LRRC14: variants seen among roughly 807,000 people sequenced by gnomAD.
The protein encoded by LRRC14 is leucine-rich repeat-containing protein 14.
Under a neutral mutation model 25.3 loss-of-function variants are expected in LRRC14, and 16 were observed. That is an observed-to-expected ratio of 0.63 (90% CI 0.43 to 0.96). LRRC14 has a LOEUF of 0.96. LRRC14 is among the 40% of genes least tolerant of loss of function. The pLI is 0.00. For synonymous variants in LRRC14, 359 were observed against 295.1 expected (o/e 1.22, Z -2.22); for missense variants, 594 against 660.5 (o/e 0.90, Z 1.10).
intron 1 of LRRC14, chr8:144,518,635 G>T (rs1815659381): frequency 6.6e-6 from 1 of 152,284 alleles, no homozygotes; most frequent in Non-Finnish European, 1.5e-5. Flanking sequence ...TGGAAAAGTC[G>T]ACAAAAAGAA....
rs1421338939 is a variant in LRRC14, at chr8:144,523,351, G to T, written c.*1873G>T. ...CCCTGGAGGTGAGCAGCCGCTGGCC[G>T]CCCTCCTTGATCCAGGCACCCAGCC... On this transcript the variant is annotated 3_prime_UTR_variant, in exon 4 of 4. Coordinates refer to ENST00000292524, the MANE Select transcript of LRRC14 (RefSeq NM_014665.4). 1.3e-6 allele frequency: 2 copies of T among 1,582,708 alleles called. No homozygotes were observed. The highest frequency in any genetic ancestry group is 1.7e-6 in the Non-Finnish European group (2 of 1,161,158).
chr8:144,522,850 G>C lies in LRRC14; in HGVS notation c.*1372G>C. 2 of 1,284,498 alleles carry C rather than the reference G, an allele frequency of 1.6e-6. No individual in the cohort carries two copies. Among genetic ancestry groups the C allele is most frequent in the East Asian group, 3.1e-5 (1 of 32,004 alleles). The allele number at this position is 1,284,498 out of a possible 1,614,324, so 79.6% of individuals were successfully genotyped here. A position where few individuals can be genotyped will look rare whatever the true frequency, so the allele number is the denominator to read the frequency against. ...CGCGGAAGGCCATGCTGCCCGCCTC[G>C]GGCCGGGGCTCGCTGCCGGCGGGGC... On this transcript the variant is annotated 3_prime_UTR_variant, in exon 4 of 4. Transcript: ENST00000292524.
Position 144,522,883 on chromosome 8 carries a change from C to G in LRRC14, c.*1405C>G, listed in dbSNP as rs1484129254. ...GCTCGCTGCCGGCGGGGCGGGCGGC[C>G]GGAGGCGGCGGTTGCGCGGGCTGCT... On this transcript the variant is annotated 3_prime_UTR_variant, in exon 4 of 4. Coordinates refer to ENST00000292524, the MANE Select transcript of LRRC14 (RefSeq NM_014665.4). 1.6e-6 allele frequency: 2 copies of G among 1,269,102 alleles called. No individual in the cohort carries two copies. Among genetic ancestry groups the G allele is most frequent in the Non-Finnish European group, 2.0e-6 (2 of 1,014,284 alleles). The allele number at this position is 1,269,102 out of a possible 1,614,324, so 78.6% of individuals were successfully genotyped here. A position where few individuals can be genotyped will look rare whatever the true frequency, so the allele number is the denominator to read the frequency against.
In LRRC14 at chr8:144,523,366, G is replaced by A. The variant is rs145078786; in HGVS notation, c.*1888G>A. 3.2e-6 allele frequency: 5 copies of A among 1,576,762 alleles called. No homozygotes were observed. In the African/African-American group the frequency reaches 5.4e-5, roughly 17 times the overall value. On this transcript the variant is annotated 3_prime_UTR_variant, in exon 4 of 4. Transcript: ENST00000292524. ...GCCGCTGGCCGCCCTCCTTGATCCA[G>A]GCACCCAGCCAGTGCAGGGCGCAGT... is the stretch of plus-strand genomic sequence containing the variant.
Position 144,523,635 on chromosome 8 carries a change from G to A in LRRC14, c.*2157G>A. 1.8e-6 allele frequency: 1 copy of A among 556,734 alleles called. No homozygotes were observed. The allele number at this position is 556,734 out of a possible 1,614,324, so 34.5% of individuals were successfully genotyped here. A position where few individuals can be genotyped will look rare whatever the true frequency, so the allele number is the denominator to read the frequency against. On this transcript the variant is annotated 3_prime_UTR_variant, in exon 4 of 4. Transcript: ENST00000292524. ...AGCTCTGTGATGCCTGCCTGTTACA[G>A]ATCACTTCTCCGTCGGTCTCTGAGA...
rs1249786197 is a variant in LRRC14, at chr8:144,523,249, G to A, written c.*1771G>A. 6.2e-7 allele frequency: 1 copy of A among 1,610,614 alleles called. No homozygotes were observed. Among genetic ancestry groups the A allele is most frequent in the Non-Finnish European group, 8.5e-7 (1 of 1,179,040 alleles). On this transcript the variant is annotated 3_prime_UTR_variant, in exon 4 of 4. Transcript: ENST00000292524. ...GCACGTGGACAGAGGGCGGAATGCA[G>A]ATGAGGCTGCTGTGGGATACGTCCA...
In LRRC14 at chr8:144,519,903, A is replaced by T; in HGVS notation, c.178A>T (p.Ser60Cys). Residue 60 changes from serine to cysteine, a missense_variant, in exon 2 of 4, where the codon AGT becomes TGT. Transcript: ENST00000292524. ...ACACACGTGGCCCTTCCCGCTGCTCAGTTTCCAGCAGCTGCTACAGGAGTG... is the reference window on the plus strand; with the variant it reads ...ACACACGTGGCCCTTCCCGCTGCTCTGTTTCCAGCAGCTGCTACAGGAGTG... ...LVHTWPFPLL[S>C]FQQLLQECAH... The T allele has an allele frequency of 1.2e-6, 2 of 1,613,336 alleles. No homozygotes were observed. The highest frequency in any genetic ancestry group is 1.7e-6 in the Non-Finnish European group (2 of 1,180,020).
chr8:144,522,128 C>G lies in LRRC14; in HGVS notation c.*650C>G. Reference sequence around the variant, plus strand: ...GCAACAACTGCCATCCAGCCTGTCGCCCCGCCCTTCGCGGGGCAGCCCCGT... The same window carrying G: ...GCAACAACTGCCATCCAGCCTGTCGGCCCGCCCTTCGCGGGGCAGCCCCGT... On this transcript the variant is annotated 3_prime_UTR_variant, in exon 4 of 4. Coordinates refer to ENST00000292524, the MANE Select transcript of LRRC14 (RefSeq NM_014665.4). 1 of 298,364 alleles carries G rather than the reference C, an allele frequency of 3.4e-6. No homozygotes were observed. 18.5% of individuals were successfully genotyped at this position (298,364 alleles called of 1,614,324 possible).
chr8:144,523,237 G>A lies in LRRC14; in HGVS notation c.*1759G>A. 6.2e-7 allele frequency: 1 copy of A among 1,610,366 alleles called. No individual in the cohort carries two copies. Among genetic ancestry groups the A allele is most frequent in the Non-Finnish European group, 8.5e-7 (1 of 1,178,958 alleles). ...GCTCCAGCGGCTGCACGTGGACAGA[G>A]GGCGGAATGCAGATGAGGCTGCTGT... On this transcript the variant is annotated 3_prime_UTR_variant, in exon 4 of 4. Coordinates refer to ENST00000292524, the MANE Select transcript of LRRC14 (RefSeq NM_014665.4).
At position 144,521,648 on chromosome 8, in the gene LRRC14, C is replaced by T. The variant is rs1816069726; in HGVS notation, c.*170C>T. On this transcript the variant is annotated 3_prime_UTR_variant, in exon 4 of 4. Coordinates refer to ENST00000292524, the MANE Select transcript of LRRC14 (RefSeq NM_014665.4). ...AGCCTCCCCTGCTTTCTGCAGTGCC[C>T]CACGCGGTTTTCCCTGCACTTGCTC... is the stretch of plus-strand genomic sequence containing the variant. 4.4e-6 allele frequency: 3 copies of T among 680,418 alleles called. No individual in the cohort carries two copies. The highest frequency in any genetic ancestry group is 3.6e-5 in the African/African-American group (2 of 55,286). The allele number at this position is 680,418 out of a possible 1,614,324, so 42.1% of individuals were successfully genotyped here.
Position 144,520,271 on chromosome 8 carries a change from C to A in LRRC14, c.363C>A (p.Gly121=), listed in dbSNP as rs199766948. The A allele has an allele frequency of 6.8e-6, 11 of 1,611,086 alleles. No individual in the cohort carries two copies. The Admixed American group carries it at 8.3e-5, about 12-fold the overall frequency. Residue 121 remains glycine (G), a synonymous_variant, in exon 3 of 4, where the codon GGC becomes GGA. Coordinates refer to ENST00000292524, the MANE Select transcript of LRRC14 (RefSeq NM_014665.4). ...KHALRVLDMT[G]LLDDGVEQDP... ...CGCTGCGGGTGCTGGACATGACGGG[C>A]CTCTTGGATGATGGTGTGGAACAGG...
At position 144,524,162 on chromosome 8, in the gene LRRC14, G is replaced by C; in HGVS notation, c.*2684G>C. ...CCAGGGGCTGCAGGGCCTCTCGGCT[G>C]ATGGTGCCCAGCTGGTTCCTGCTGA... is the stretch of plus-strand genomic sequence containing the variant. On this transcript the variant is annotated 3_prime_UTR_variant, in exon 4 of 4. Transcript: ENST00000292524. 6.2e-7 allele frequency: 1 copy of C among 1,610,436 alleles called. No homozygotes were observed. The highest frequency in any genetic ancestry group is 8.5e-7 in the Non-Finnish European group (1 of 1,178,176).
In LRRC14 at chr8:144,523,057, G is replaced by A. The variant is rs1165241956; in HGVS notation, c.*1579G>A. The A allele has an allele frequency of 3.1e-6, 5 of 1,604,288 alleles. No homozygotes were observed. The African/African-American group carries it at 6.7e-5, about 22-fold the overall frequency. On this transcript the variant is annotated 3_prime_UTR_variant, in exon 4 of 4. Transcript: ENST00000292524. ...TGCCGCTGCCCGTGTCGGATGCCGA[G>A]TGTCCGCCCAGGCCCAGCAACCCGC...
At chr8:144,520,172 A>G in intron 2 of LRRC14, 66 bp from the exon 3 acceptor site, 1 of 1,578,124 alleles carries the variant, frequency 6.3e-7, no homozygotes, top group Non-Finnish European at 8.6e-7. Flanking sequence ...CTCCTGTCCC[A>G]AGGTGGCTGG....
rs746630913 is a variant in LRRC14, at chr8:144,522,967, G to C, written c.*1489G>C. ...GGAAGGGCACGCGGGCAGCGCCGCC[G>C]GCGTTGGAGGCCTCGCACTCGTACT... On this transcript the variant is annotated 3_prime_UTR_variant, in exon 4 of 4. Transcript: ENST00000292524. 6.3e-7 allele frequency: 1 copy of C among 1,580,678 alleles called. No individual in the cohort carries two copies. Among genetic ancestry groups the C allele is most frequent in the East Asian group, 2.3e-5 (1 of 42,906 alleles).
intron 1 of LRRC14, 176 bp from the exon 2 acceptor site, chr8:144,519,439 T>C (rs1234923673): frequency 1.9e-6 from 1 of 521,516 alleles, no homozygotes; most frequent in Non-Finnish European, 3.5e-6. Context: ...GCAAGCGAGT[T>C]GTTGACGATG....
chr8:144,522,656 C>G lies in LRRC14; in HGVS notation c.*1178C>G. On this transcript the variant is annotated 3_prime_UTR_variant, in exon 4 of 4. Coordinates refer to ENST00000292524, the MANE Select transcript of LRRC14 (RefSeq NM_014665.4). ...GAGCTCCTCTAGCTGTGCGAACGTACAGGGGCCGTCCAAGTAGTCGTTGAC... is the reference window on the plus strand; with the variant it reads ...GAGCTCCTCTAGCTGTGCGAACGTAGAGGGGCCGTCCAAGTAGTCGTTGAC... 2 of 1,591,466 alleles carry G rather than the reference C, an allele frequency of 1.3e-6. No individual in the cohort carries two copies. Among genetic ancestry groups the G allele is most frequent in the Non-Finnish European group, 1.7e-6 (2 of 1,170,606 alleles).
chr8:144,524,311 G>GGGCGCCGAGGTTGGGGGC lies in LRRC14; in HGVS notation c.*2834_*2851dup, dbSNP rs1816261636. The GGGCGCCGAGGTTGGGGGC allele has an allele frequency of 1.9e-6, 3 of 1,605,832 alleles. No homozygotes were observed. The African/African-American group carries it at 4.0e-5, about 21-fold the overall frequency. On this transcript the variant is annotated 3_prime_UTR_variant, in exon 4 of 4. Coordinates refer to ENST00000292524, the MANE Select transcript of LRRC14 (RefSeq NM_014665.4). ...AAGGACAGCAGATCGTGAGGAAAAA[G>GGGCGCCGAGGTTGGGGGC]GGCGCCGAGGTTGGGGGCATGTCTC...
At position 144,521,304 on chromosome 8, in the gene LRRC14, G is replaced by A; in HGVS notation, c.1308G>A (p.Glu436=). The change falls in exon 4 of 4, where the codon GAG becomes GAA. Residue 436 remains glutamate (E), a synonymous_variant. Transcript: ENST00000292524. The part of the protein sequence containing the change: ...VVHPFPVDCY[E]GLPWPPPASV... ...ACCCCTTCCCTGTGGACTGCTATGA[G>A]GGCTTGCCCTGGCCGCCGCCTGCCT... is the stretch of plus-strand genomic sequence containing the variant. 1 of 1,613,052 alleles carries A rather than the reference G, an allele frequency of 6.2e-7. No homozygotes were observed. The highest frequency in any genetic ancestry group is 8.5e-7 in the Non-Finnish European group (1 of 1,180,016).
Sources: allele counts gnomAD v4.1 joint callset, GRCh38; gene constraint gnomAD v4.1.1; transcripts MANE v1.5; gene names NCBI Gene and HGNC (gene_info 2026-07-23, HGNC 2026-07-21).